The following OSBPL10 variants were observed in gnomAD, a reference collection of about 807,000 sequenced individuals.
The protein encoded by OSBPL10 is oxysterol-binding protein-related protein 10.
Under a neutral mutation model 81.7 loss-of-function variants are expected in OSBPL10, and 49 were observed. The ratio of observed to expected loss-of-function variants is 0.60; its 90% CI spans 0.48 to 0.76. The LOEUF is 0.76. OSBPL10 is among the 30% of genes least tolerant of loss of function. The probability of loss-of-function intolerance (pLI) is 0.00; values close to 1 mark genes in which losing one functional copy is unlikely to be tolerated. For synonymous variants in OSBPL10, 419 were observed against 383.6 expected (o/e 1.09, Z -1.08); for missense variants, 923 against 987.8 (o/e 0.93, Z 0.88).
intron 3 of OSBPL10, among the ~76,000 whole-genome samples, chr3:31,874,796 G>A (rs901487544): frequency 9.2e-5 from 14 of 152,034 alleles, no homozygotes; most frequent in African/African-American, 2.2e-4. Context: ...ATTTAGCAAC[G>A]TCTATGAAAA....
intron 4 of OSBPL10, among the ~76,000 whole-genome samples, chr3:31,788,032 T>G (rs968246790): frequency 1.3e-5 from 2 of 152,134 alleles, no homozygotes; most frequent in African/African-American, 4.8e-5. Flanking sequence ...TTTACACAAA[T>G]TGACAAAGAT....
intron 3 of OSBPL10, among the ~76,000 whole-genome samples, chr3:31,846,130 A>G (rs574675977): frequency 5.3e-5 from 8 of 152,134 alleles, no homozygotes; most frequent in Non-Finnish European, 7.4e-5. Context: ...CTCCTGCCTC[A>G]GCCTCCCGCG....
At chr3:31,994,314 G>T (rs996656144) in intron 2 of OSBPL10, among the ~76,000 whole-genome samples, 1 of 152,182 alleles carries the variant, frequency 6.6e-6, no homozygotes, top group Non-Finnish European at 1.5e-5. Context: ...CTTACTTGTG[G>T]CAGTGGTTAC....
intron 1 of OSBPL10, among the ~76,000 whole-genome samples, chr3:32,073,692 C>T (rs567429275): frequency 2.6e-5 from 4 of 152,228 alleles, no homozygotes; most frequent in South Asian, 4.1e-4. Flanking sequence ...AACTTGTCAT[C>T]CCTTCTATAT....
At chr3:31,879,628 T>C in intron 2 of OSBPL10, 27 bp downstream of exon 2, 1 of 1,587,322 alleles carries the variant, frequency 6.3e-7, no homozygotes, top group Non-Finnish European at 8.5e-7. Context: ...GAGGCCTGTC[T>C]GAAAAGTTAC....
At chr3:31,730,594 C>T (rs1256650667) in intron 6 of OSBPL10, among the ~76,000 whole-genome samples, 1 of 152,176 alleles carries the variant, frequency 6.6e-6, no homozygotes, top group Non-Finnish European at 1.5e-5. Context: ...TTAGTTAGTT[C>T]TAGCCCCAGC....
chr3:31,976,878 C>T (rs570280643), intron 1 of OSBPL10, among the ~76,000 whole-genome samples: 7 of 152,292 alleles, frequency 4.6e-5, no homozygotes, highest in African/African-American at 1.4e-4. Context: ...GTCTTCTTTT[C>T]TCCAAATAAG....
At chr3:32,053,394 G>A (rs1699683601) in intron 1 of OSBPL10, among the ~76,000 whole-genome samples, 2 of 152,186 alleles carry the variant, frequency 1.3e-5, no homozygotes. Context: ...GAAATTCTGT[G>A]TGTGAACATA....
chr3:31,775,846 C>G (rs539129430), intron 4 of OSBPL10, among the ~76,000 whole-genome samples: 1 of 152,138 alleles, frequency 6.6e-6, no homozygotes, highest in African/African-American at 2.4e-5. Flanking sequence ...TGTAAGAGGG[C>G]TATGGGAGAG....
rs564569939 is a variant in OSBPL10 at position 31,820,510 on chromosome 3, G to A, written c.729+9530C>T. Among the ~76,000 whole-genome samples the A allele has an allele frequency of 6.3e-4, 95 of 151,776 alleles. 1 individual carries two copies. The highest frequency in any genetic ancestry group is 3.9e-4 in the East Asian group (2 of 5,164). ...CTCAAGAGGCTGAAGCAGAAGAATC[G>A]CTTAAATCCGGGAGGCGGAGGTTGC... On this transcript the variant is annotated intron_variant, in intron 4 of 11. Coordinates refer to ENST00000396556, the MANE Select transcript of OSBPL10 (RefSeq NM_017784.5).
At chr3:31,819,524 G>A (rs1247434517) in intron 4 of OSBPL10, among the ~76,000 whole-genome samples, 3 of 152,142 alleles carry the variant, frequency 2.0e-5, no homozygotes, top group Non-Finnish European at 4.4e-5. Context: ...GTCCTCATTG[G>A]GGTACTGCAC....
chr3:31,718,872 C>T (rs1300920113), intron 6 of OSBPL10: 2 of 152,258 alleles, frequency 1.3e-5, no homozygotes, highest in African/African-American at 4.8e-5. Context: ...TGCATCTCTA[C>T]ATATTTTCAC....
rs775864707 is a variant in OSBPL10 at position 31,668,672 on chromosome 3, G to A, written c.2066C>T (p.Pro689Leu). 1.2e-6 allele frequency: 2 copies of A among 1,613,858 alleles called. No individual in the cohort carries two copies. The highest frequency in any genetic ancestry group is 1.7e-5 in the Admixed American group (1 of 60,008). Residue 689 changes from proline to leucine, a missense_variant, in exon 10 of 12, where the codon CCT (proline) becomes CTT (leucine). By Grantham distance (98) the Pro-to-Leu change is moderately conservative. Transcript: ENST00000396556. Reference sequence around the variant, plus strand: ...CTCCATGGGTCCCTGCTTCTCAAGAGGTCTGATCTTCTTGGGATACACTGG... The same window carrying A: ...CTCCATGGGTCCCTGCTTCTCAAGAAGTCTGATCTTCTTGGGATACACTGG... ...TLPVYPKKIR[P>L]LEKQGPMESR...
chr3:31,680,612 G>C (rs759735310), intron 8 of OSBPL10, among the ~76,000 whole-genome samples: 2 of 152,198 alleles, frequency 1.3e-5, no homozygotes, highest in Non-Finnish European at 2.9e-5. Flanking sequence ...GAACCCTTTC[G>C]GAAATAAACT....
chr3:31,741,878 G>C (rs1488384166), intron 5 of OSBPL10, among the ~76,000 whole-genome samples: 1 of 152,174 alleles, frequency 6.6e-6, no homozygotes, highest in East Asian at 1.9e-4. Flanking sequence ...AAAAACGGGA[G>C]TTTCTCTGCA....
At chr3:32,055,181 C>A in intron 1 of OSBPL10, among the ~76,000 whole-genome samples, 1 of 117,958 alleles carries the variant, frequency 8.5e-6, no homozygotes, top group Admixed American at 8.6e-5. Flanking sequence ...AACTTTTGAA[C>A]TATTTATAGC....
At chr3:31,743,034 T>TG (rs1697402545) in intron 5 of OSBPL10, among the ~76,000 whole-genome samples, 2 of 44,716 alleles carry the variant, frequency 4.5e-5, no homozygotes, top group South Asian at 1.0e-3. Flanking sequence ...TAAATTAGTT[T>TG]TTTTTTTTTT....
chr3:31,855,367 C>A (rs956447800), intron 3 of OSBPL10, among the ~76,000 whole-genome samples: 3 of 152,116 alleles, frequency 2.0e-5, no homozygotes, highest in Admixed American at 6.5e-5. Flanking sequence ...ACTTCCATAC[C>A]CTTCTTGGTC....
chr3:31,723,758 G>A (rs575525276), intron 6 of OSBPL10, among the ~76,000 whole-genome samples: 5 of 152,300 alleles, frequency 3.3e-5, no homozygotes, highest in Admixed American at 3.3e-4. Context: ...GTAAATGTGA[G>A]AAATATTTTA....
Sources: allele counts gnomAD v4.1 joint callset (sites outside exome capture counted in the v4.1 genomes callset), GRCh38; gene constraint gnomAD v4.1.1; transcripts MANE v1.5; gene names NCBI Gene and HGNC (gene_info 2026-07-23, HGNC 2026-07-21).